PCDH15: variants seen among roughly 807,000 people sequenced by gnomAD.
PCDH15 encodes protocadherin-15.
Under a neutral mutation model 178.5 loss-of-function variants are expected in PCDH15, and 129 were observed. The observed-to-expected ratio is 0.72, with a 90% CI of 0.63 to 0.84. The LOEUF (loss-of-function observed/expected upper bound fraction) is 0.84. PCDH15 is among the 40% of genes least tolerant of loss of function. PCDH15 has a pLI of 0.00. For synonymous variants in PCDH15, 800 were observed against 732.0 expected, an observed-to-expected ratio of 1.09 and a Z score of -1.50; for missense variants, 2,230 against 2,099.9, an observed-to-expected ratio of 1.06 and a Z score of -1.21.
Position 54,159,682 on chromosome 10 carries a change from T to C in PCDH15, c.1591-6389A>G, listed in dbSNP as rs138365288. 3.6e-3 allele frequency among the ~76,000 whole-genome samples: 543 copies of C among 152,290 alleles called. 4 individuals carry two copies. The highest frequency in any genetic ancestry group is 0.012 in the African/African-American group (504 of 41,560). On this transcript the variant is annotated intron_variant, in intron 13 of 37. Coordinates refer to ENST00000644397, the MANE Select transcript of PCDH15 (RefSeq NM_001384140.1). ...GTTTGAGATACCATGTAATCATTAA[T>C]ACAATAATGTAATATATAATTATTC...
At chr10:55,079,270 T>A (rs1841981771) in intron 2 of PCDH15, among the ~76,000 whole-genome samples, 1 of 152,208 alleles carries the variant, frequency 6.6e-6, no homozygotes, top group Admixed American at 6.5e-5. Flanking sequence ...GGGATGTTTT[T>A]GTGAAGATGA....
At chr10:55,037,379 G>C (rs961675628) in intron 2 of PCDH15, among the ~76,000 whole-genome samples, 1 of 151,950 alleles carries the variant, frequency 6.6e-6, no homozygotes, top group Admixed American at 6.6e-5. Context: ...GATTACAGGC[G>C]CCGGCTACCA....
In PCDH15 at chr10:54,359,008, T is replaced by C. The variant is rs536307691; in HGVS notation, c.474+10112A>G. On this transcript the variant is annotated intron_variant, in intron 5 of 37. Transcript: ENST00000644397. ...GGGGAACATCACACTCTGGGGACTG[T>C]TGTGGGGTGGGGGGAGGGGGAGGGA... Among the ~76,000 whole-genome samples the C allele has an allele frequency of 3.8e-3, 397 of 103,194 alleles. 1 individual carries two copies. The highest frequency in any genetic ancestry group is 8.0e-3 in the Admixed American group (62 of 7,764). The allele number at this position is 103,194 out of a possible 152,430, so 67.7% of individuals were successfully genotyped here. A position where few individuals can be genotyped will look rare whatever the true frequency, so the allele number is the denominator to read the frequency against.
At chr10:55,211,444 G>A (rs1840569648) in intron 1 of PCDH15, among the ~76,000 whole-genome samples, 1 of 152,154 alleles carries the variant, frequency 6.6e-6, no homozygotes, top group East Asian at 1.9e-4. Flanking sequence ...AGGAAAGCTA[G>A]TAAACAATTC....
At chr10:55,214,913 G>GT (rs1449540992) in intron 1 of PCDH15, among the ~76,000 whole-genome samples, 1 of 152,096 alleles carries the variant, frequency 6.6e-6, no homozygotes, top group Non-Finnish European at 1.5e-5. Context: ...GTTTTACAGT[G>GT]TAATGGTAGT....
At chr10:55,222,730 C>CACAT in intron 1 of PCDH15, among the ~76,000 whole-genome samples, 5 of 121,262 alleles carry the variant, frequency 4.1e-5, no homozygotes, top group African/African-American at 6.8e-5. Flanking sequence ...CACACACACA[C>CACAT]ATATATATAT....
chr10:54,940,252 A>G, intron 2 of PCDH15, among the ~76,000 whole-genome samples: 1 of 152,136 alleles, frequency 6.6e-6, no homozygotes, highest in East Asian at 1.9e-4. Flanking sequence ...TTTATCTCAA[A>G]ATATGATTGA....
intron 25 of PCDH15, chr10:53,906,813 T>TC (rs903087147): frequency 6.6e-6 from 1 of 151,476 alleles, no homozygotes; most frequent in Non-Finnish European, 1.5e-5. Flanking sequence ...TTTTTTTTTT[T>TC]TAAAGAAACA....
intron 1 of PCDH15, among the ~76,000 whole-genome samples, chr10:54,716,245 C>T (rs1335090583): frequency 6.6e-6 from 1 of 152,118 alleles, no homozygotes; most frequent in Non-Finnish European, 1.5e-5. Context: ...TCTGAGGCAA[C>T]AGAGAGCTTC....
At chr10:54,999,512 C>A (rs920871921) in intron 2 of PCDH15, among the ~76,000 whole-genome samples, 5 of 152,200 alleles carry the variant, frequency 3.3e-5, no homozygotes, top group Middle Eastern at 3.4e-3. Context: ...AAAGATTGGC[C>A]TTGTTCTTAA....
intron 2 of PCDH15, among the ~76,000 whole-genome samples, chr10:55,164,069 C>T (rs1839133531): frequency 6.6e-6 from 1 of 152,124 alleles, no homozygotes; most frequent in Non-Finnish European, 1.5e-5. Flanking sequence ...AGAGGCCTTC[C>T]TGTTGTCAAC....
chr10:55,557,636 GA>G (rs570308057), intron 2 of PCDH15, among the ~76,000 whole-genome samples: 262 of 151,776 alleles, frequency 1.7e-3, no homozygotes, highest in African/African-American at 5.9e-3. Flanking sequence ...TAATGGAGGT[GA>G]AAAAAAAGGC....
At chr10:54,101,915 C>T (rs1200836813) in intron 15 of PCDH15, among the ~76,000 whole-genome samples, 1 of 152,066 alleles carries the variant, frequency 6.6e-6, no homozygotes, top group Non-Finnish European at 1.5e-5. Flanking sequence ...GTGGAGGCTG[C>T]AGTGAGCCAT....
chr10:54,374,100 C>T (rs1203602439), intron 4 of PCDH15, among the ~76,000 whole-genome samples: 1 of 152,034 alleles, frequency 6.6e-6, no homozygotes, highest in Non-Finnish European at 1.5e-5. Context: ...GTCTCTGTTT[C>T]AGCACTCTGG....
intron 1 of PCDH15, among the ~76,000 whole-genome samples, chr10:55,297,820 C>G (rs1387066005): frequency 6.6e-6 from 1 of 151,972 alleles, no homozygotes. Context: ...TAAATAGTTG[C>G]ACAGATAAAA....
intron 7 of PCDH15, among the ~76,000 whole-genome samples, chr10:54,317,707 A>C (rs12240859): frequency 7.9e-5 from 12 of 151,772 alleles, no homozygotes; most frequent in Non-Finnish European, 1.3e-4. Flanking sequence ...GGGAAGCAGA[A>C]GTTGCAGTGA....
At chr10:55,025,230 C>G (rs531372542) in intron 2 of PCDH15, among the ~76,000 whole-genome samples, 2 of 152,202 alleles carry the variant, frequency 1.3e-5, no homozygotes, top group African/African-American at 4.8e-5. Context: ...GATGAAGAGA[C>G]AGAGAAAGAG....
chr10:55,228,935 T>G (rs1461650290), intron 1 of PCDH15, among the ~76,000 whole-genome samples: 2 of 151,958 alleles, frequency 1.3e-5, no homozygotes, highest in African/African-American at 4.8e-5. Flanking sequence ...CTCATGAGCA[T>G]TAAATATAAA....
intron 2 of PCDH15, among the ~76,000 whole-genome samples, chr10:55,592,005 C>A (rs2132132864): frequency 6.6e-6 from 1 of 152,158 alleles, no homozygotes; most frequent in Admixed American, 6.6e-5. Context: ...TTCAAGATCT[C>A]ACTGAAAGAA....
Sources: gnomAD v4.1 joint callset for allele counts (sites outside exome capture counted in the v4.1 genomes callset) on GRCh38, gnomAD v4.1.1 for gene constraint, MANE v1.5 for transcripts, NCBI Gene and HGNC (gene_info 2026-07-23, HGNC 2026-07-21) for gene names.